The following CLNK variants were observed in gnomAD, a reference collection of about 807,000 sequenced individuals.
The protein encoded by CLNK is cytokine-dependent hematopoietic cell linker.
A neutral mutation model predicts 68.6 loss-of-function variants in CLNK; 74 were observed. The observed-to-expected ratio is 1.08, with a 90% CI of 0.89 to 1.31. The LOEUF is 1.31. CLNK is among the 50% of genes most tolerant of loss of function. The probability of loss-of-function intolerance (pLI) is 0.00; values close to 1 mark genes in which losing one functional copy is unlikely to be tolerated. For missense variants in CLNK, 553 were observed against 515.3 expected (o/e 1.07, Z -0.71); for synonymous variants, 198 against 172.2 (o/e 1.15, Z -1.17).
the CLNK span, among the ~76,000 whole-genome samples, chr4:10,726,035 G>T: frequency 2.6e-5 from 4 of 152,040 alleles, no homozygotes; most frequent in South Asian, 8.3e-4. Context: ...TGTGGGCAGG[G>T]CTGGTTCCTT....
intron 2 of CLNK, among the ~76,000 whole-genome samples, chr4:10,631,058 A>G (rs1722871446): frequency 6.6e-6 from 1 of 152,164 alleles, no homozygotes; most frequent in Non-Finnish European, 1.5e-5. Flanking sequence ...TGCTTTACGG[A>G]ATCAGCATTT....
intron 2 of CLNK, among the ~76,000 whole-genome samples, chr4:10,643,234 T>A (rs576847958): frequency 6.6e-6 from 1 of 152,194 alleles, no homozygotes; most frequent in Non-Finnish European, 1.5e-5. Flanking sequence ...AGAAAGAAGC[T>A]CATATGACTT....
upstream of CLNK, chr4:10,685,027 A>C (rs1577220788): frequency 1.3e-5 from 2 of 152,162 alleles, no homozygotes; most frequent in Admixed American, 1.3e-4. Flanking sequence ...AGAACACAAT[A>C]AAAGGAACTG....
At chr4:10,633,085 G>A (rs982616113) in intron 2 of CLNK, among the ~76,000 whole-genome samples, 1 of 152,116 alleles carries the variant, frequency 6.6e-6, no homozygotes, top group South Asian at 2.1e-4. Context: ...TTACAGGCAT[G>A]TGCTACCACA....
intron 2 of CLNK, among the ~76,000 whole-genome samples, chr4:10,629,683 T>C (rs1269580412): frequency 6.6e-6 from 1 of 151,868 alleles, no homozygotes; most frequent in Non-Finnish European, 1.5e-5. Flanking sequence ...CCAATGTCTC[T>C]CAAGCCCAAC....
chr4:10,613,641 T>C (rs186798366), intron 2 of CLNK, among the ~76,000 whole-genome samples: 14 of 152,186 alleles, frequency 9.2e-5, no homozygotes, highest in African/African-American at 2.9e-4. Flanking sequence ...AATAGGTATG[T>C]CATTGAGGGA....
chr4:10,675,805 T>C (rs1321336903), intron 1 of CLNK, among the ~76,000 whole-genome samples: 2 of 152,058 alleles, frequency 1.3e-5, no homozygotes, highest in African/African-American at 4.8e-5. Flanking sequence ...TTTGAATGAA[T>C]CGAGAAGGTA....
intron 2 of CLNK, chr4:10,635,722 G>C (rs926867281): frequency 4.9e-4 from 74 of 152,160 alleles, no homozygotes; most frequent in African/African-American, 1.7e-3. Flanking sequence ...GGGTTGGATT[G>C]GGTTATTATT....
chr4:10,674,938 A>G (rs961558580), intron 1 of CLNK, among the ~76,000 whole-genome samples: 15 of 151,886 alleles, frequency 9.9e-5, no homozygotes, highest in African/African-American at 3.4e-4. Context: ...GAATACATGG[A>G]CACAGGGAGG....
At chr4:10,527,340 T>G (rs1718359616) in intron 13 of CLNK, among the ~76,000 whole-genome samples, 1 of 152,214 alleles carries the variant, frequency 6.6e-6, no homozygotes, top group Non-Finnish European at 1.5e-5. Context: ...TAGGCCTCAC[T>G]TCAAGTTTAG....
chr4:10,559,236 C>G (rs1271333508), intron 7 of CLNK, among the ~76,000 whole-genome samples: 1 of 152,120 alleles, frequency 6.6e-6, no homozygotes, highest in Non-Finnish European at 1.5e-5. Flanking sequence ...TTATTGGCAC[C>G]AGGTTGAGTT....
chr4:10,626,155 C>T (rs1421049157), intron 2 of CLNK, among the ~76,000 whole-genome samples: 1 of 152,210 alleles, frequency 6.6e-6, no homozygotes, highest in Non-Finnish European at 1.5e-5. Context: ...CTGCCCAGTA[C>T]AGCTCTGCCT....
rs888907969 is a variant in CLNK at position 10,488,483 on chromosome 4, T to C, written c.*1984A>G. The C allele has an allele frequency of 1.3e-5, 2 of 152,352 alleles. No individual in the cohort carries two copies. The highest frequency in any genetic ancestry group is 4.1e-4 in the South Asian group (2 of 4,832). The allele number at this position is 152,352 out of a possible 1,614,324, so 9.4% of individuals were successfully genotyped here. A position where few individuals can be genotyped will look rare whatever the true frequency, so the allele number is the denominator to read the frequency against. Reference sequence around the variant, plus strand: ...CTGTCCCTGGCTTGTTGAATTCCAGTAGAGAATGACCAGCAACCATACAGC... The same window carrying C: ...CTGTCCCTGGCTTGTTGAATTCCAGCAGAGAATGACCAGCAACCATACAGC... On this transcript the variant is annotated 3_prime_UTR_variant, in exon 19 of 19. Transcript: ENST00000226951.
At chr4:10,661,522 TG>T (rs1186307750) in intron 2 of CLNK, among the ~76,000 whole-genome samples, 1 of 152,184 alleles carries the variant, frequency 6.6e-6, no homozygotes, top group African/African-American at 2.4e-5. Flanking sequence ...CTTGTTCTTA[TG>T]TGGCAATATG....
rs1244592146 is a variant in CLNK at position 10,490,321 on chromosome 4, A to C, written c.*146T>G. On this transcript the variant is annotated 3_prime_UTR_variant, in exon 19 of 19. Coordinates refer to ENST00000226951, the MANE Select transcript of CLNK (RefSeq NM_052964.4). ...GTTTGAACTTTCAAAACCGTGAGTGATTTTCCACTCTCTGTTATAGAGTGT... is the reference window on the plus strand; with the variant it reads ...GTTTGAACTTTCAAAACCGTGAGTGCTTTTCCACTCTCTGTTATAGAGTGT... 7.5e-6 allele frequency: 5 copies of C among 669,018 alleles called. No homozygotes were observed. Among genetic ancestry groups the C allele is most frequent in the Non-Finnish European group, 2.2e-6 (1 of 448,102 alleles). 41.4% of individuals were successfully genotyped at this position (669,018 alleles called of 1,614,324 possible).
intron 11 of CLNK, among the ~76,000 whole-genome samples, chr4:10,533,217 C>G (rs1301645046): frequency 1.3e-5 from 2 of 152,290 alleles, no homozygotes; most frequent in East Asian, 3.9e-4. Flanking sequence ...CTGAGATCAT[C>G]CACTGCACTC....
rs1223944099 is a variant in CLNK, at chr4:10,488,217, A to G, written c.*2250T>C. ...GTATTTGTGAACAAGAGACGATAAA[A>G]TATTATTTCAAACGTACACCTTATC... On this transcript the variant is annotated 3_prime_UTR_variant, in exon 19 of 19. Coordinates refer to ENST00000226951, the MANE Select transcript of CLNK (RefSeq NM_052964.4). 6.6e-6 allele frequency: 1 copy of G among 152,194 alleles called. No homozygotes were observed. The highest frequency in any genetic ancestry group is 1.5e-5 in the Non-Finnish European group (1 of 68,040). The allele number at this position is 152,194 out of a possible 1,614,324, so 9.4% of individuals were successfully genotyped here. A position where few individuals can be genotyped will look rare whatever the true frequency, so the allele number is the denominator to read the frequency against.
chr4:10,592,824 C>G (rs978270789), intron 3 of CLNK, among the ~76,000 whole-genome samples: 1 of 152,084 alleles, frequency 6.6e-6, no homozygotes, highest in African/African-American at 2.4e-5. Flanking sequence ...CTCCCGAGTT[C>G]AAGAGATTTT....
chr4:10,558,522 C>G (rs1719765804), intron 7 of CLNK, 70 bp from the exon 8 acceptor site: 1 of 1,446,194 alleles, frequency 6.9e-7, no homozygotes, highest in East Asian at 2.3e-5. Flanking sequence ...TCTTGACACT[C>G]TCTGTGGTTA....
Sources: allele counts gnomAD v4.1 joint callset (sites outside exome capture counted in the v4.1 genomes callset), GRCh38; gene constraint gnomAD v4.1.1; transcripts MANE v1.5; gene names NCBI Gene and HGNC (gene_info 2026-07-23, HGNC 2026-07-21).